Variants in PRMT9 observed in about 807,000 individuals in gnomAD.
The protein encoded by PRMT9 is protein arginine methyltransferase 9.
In PRMT9, 59 loss-of-function variants were observed where a neutral mutation model predicts 83.2. The ratio of observed to expected loss-of-function variants is 0.71; its 90% confidence interval spans 0.57 to 0.88. PRMT9 has a LOEUF of 0.88. Among genes scored for constraint, PRMT9 ranks in the 40% least tolerant of loss-of-function variants. The pLI is 0.00. For missense variants in PRMT9, 947 were observed against 1,021.9 expected, an observed-to-expected ratio of 0.93 and a Z score of 1.00; for synonymous variants, 333 against 353.2, an observed-to-expected ratio of 0.94 and a Z score of 0.64.
intron 6 of PRMT9, chr4:147,661,268 A>G: frequency 2.3e-6 from 1 of 429,678 alleles, no homozygotes; most frequent in South Asian, 6.0e-5. Flanking sequence ...CACTAAAAAA[A>G]AAAAAAAACA....
chr4:147,663,230 G>A (rs182612721), intron 6 of PRMT9, among the ~76,000 whole-genome samples: 4 of 151,690 alleles, frequency 2.6e-5, no homozygotes, highest in African/African-American at 7.3e-5. Context: ...GGATGGTCTC[G>A]ATCTCCTGGC....
chr4:147,683,737 T>TTCTA, intron 1 of PRMT9, 62 bp downstream of exon 1: 1 of 873,520 alleles, frequency 1.1e-6, no homozygotes, highest in Non-Finnish European at 1.7e-6. Flanking sequence ...TTTTTTCTGT[T>TTCTA]TTTTTTTTTT....
chr4:147,662,376 T>C (rs999805350), intron 6 of PRMT9, among the ~76,000 whole-genome samples: 4 of 152,230 alleles, frequency 2.6e-5, no homozygotes, highest in Admixed American at 6.5e-5. Context: ...GCACACTTTA[T>C]ATTATATAGC....
intron 1 of PRMT9, among the ~76,000 whole-genome samples, chr4:147,681,571 G>A (rs1197311240): frequency 6.6e-6 from 1 of 152,186 alleles, no homozygotes; most frequent in African/African-American, 2.4e-5. Context: ...CAGATCACCT[G>A]AGGTCAGGAG....
At chr4:147,669,531 T>C (rs922824713) in intron 5 of PRMT9, among the ~76,000 whole-genome samples, 3 of 152,110 alleles carry the variant, frequency 2.0e-5, no homozygotes, top group Admixed American at 2.0e-4. Flanking sequence ...ATGACTTTGA[T>C]CAAGAAATCA....
At chr4:147,639,337 G>T (rs1055562147) in intron 10 of PRMT9, 1 of 404,520 alleles carries the variant, frequency 2.5e-6, no homozygotes, top group Non-Finnish European at 4.6e-6. Context: ...AATTTGCTCT[G>T]GTTTCCATTA....
At position 147,638,368 on chromosome 4, in the gene PRMT9, A is replaced by G. The variant is rs868568710; in HGVS notation, c.*164T>C. On this transcript the variant is annotated 3_prime_UTR_variant, in exon 12 of 12. Coordinates refer to ENST00000322396, the MANE Select transcript of PRMT9 (RefSeq NM_138364.4). ...AATCTGCAGCAGTATTTCTATAATA[A>G]TGCTACCCTTTTATTTAGAATCTTT... 1.1e-4 allele frequency: 72 copies of G among 631,288 alleles called. No individual in the cohort carries two copies. In the Middle Eastern group the frequency reaches 2.9e-3, roughly 26 times the overall value. 39.1% of individuals were successfully genotyped at this position (631,288 alleles called of 1,614,324 possible). A position where few individuals can be genotyped will look rare whatever the true frequency, so the allele number is the denominator to read the frequency against.
chr4:147,642,963 T>TA (rs1733507788), intron 9 of PRMT9, 23 bp from the exon 10 acceptor site: 2 of 1,611,526 alleles, frequency 1.2e-6, no homozygotes, highest in African/African-American at 2.7e-5. Flanking sequence ...GTACATATTT[T>TA]AAAAAGCTCT....
chr4:147,670,667 A>T lies in PRMT9; in HGVS notation c.820T>A (p.Trp274Arg). Reference sequence around the variant, plus strand: ...TTTGGCTGTAAAAGTAAATGCTCCCATGCATGAATCAAACTCTCCACAATT... The same window carrying T: ...TTTGGCTGTAAAAGTAAATGCTCCCTTGCATGAATCAAACTCTCCACAATT... ...EGIVESLIHAWEHLLLQPKTK... is the reference protein window; with the variant it reads ...EGIVESLIHAREHLLLQPKTK... Residue 274 changes from tryptophan to arginine, a missense_variant, in exon 5 of 12, where the codon TGG becomes AGG. Physicochemically the swap from Trp to Arg is moderately radical, Grantham distance 101. Transcript: ENST00000322396. The T allele has an allele frequency of 6.2e-7, 1 of 1,612,840 alleles. No individual in the cohort carries two copies. Among genetic ancestry groups the T allele is most frequent in the Non-Finnish European group, 8.5e-7 (1 of 1,178,920 alleles).
intron 9 of PRMT9, among the ~76,000 whole-genome samples, chr4:147,648,250 T>G (rs1288868931): frequency 1.3e-5 from 2 of 152,028 alleles, no homozygotes; most frequent in African/African-American, 4.8e-5. Flanking sequence ...ATTGGGACTT[T>G]CCATCCAACC....
intron 6 of PRMT9, among the ~76,000 whole-genome samples, chr4:147,666,823 TA>T (rs67002013): frequency 0.081 from 10,294 of 126,444 alleles, 377 homozygotes; most frequent in Middle Eastern, 0.12. Context: ...GAACTTTGTT[TA>T]AAAAAAAAAA....
chr4:147,672,541 T>G (rs1735804907), intron 4 of PRMT9, among the ~76,000 whole-genome samples: 1 of 152,246 alleles, frequency 6.6e-6, no homozygotes, highest in African/African-American at 2.4e-5. Flanking sequence ...TACTGACAGC[T>G]GACATTTCCA....
intron 9 of PRMT9, among the ~76,000 whole-genome samples, chr4:147,644,565 G>A (rs1343398661): frequency 2.3e-4 from 28 of 121,918 alleles, no homozygotes; most frequent in Non-Finnish European, 1.1e-4. Context: ...AAAAAAGAAT[G>A]CCTCTTAATA....
intron 2 of PRMT9, among the ~76,000 whole-genome samples, chr4:147,677,329 T>C (rs1323532996): frequency 6.6e-6 from 1 of 151,880 alleles, no homozygotes; most frequent in Non-Finnish European, 1.5e-5. Flanking sequence ...TATGAAAAAG[T>C]TACATTTCAT....
intron 9 of PRMT9, among the ~76,000 whole-genome samples, chr4:147,644,250 T>C (rs113640269): frequency 1.3e-5 from 2 of 152,174 alleles, no homozygotes; most frequent in African/African-American, 4.8e-5. Flanking sequence ...GGCAAAATAG[T>C]AATAGTGTAT....
chr4:147,681,484 A>G (rs1736464706), intron 1 of PRMT9, among the ~76,000 whole-genome samples: 1 of 152,204 alleles, frequency 6.6e-6, no homozygotes, highest in South Asian at 2.1e-4. Context: ...CTAGAGAGAC[A>G]AGGATAAGAA....
At chr4:147,657,491 A>G (rs988558304) in intron 8 of PRMT9, among the ~76,000 whole-genome samples, 4 of 151,826 alleles carry the variant, frequency 2.6e-5, no homozygotes, top group African/African-American at 9.7e-5. Flanking sequence ...AGCCACTGCA[A>G]TCGGCCTGGG....
chr4:147,661,960 G>A (rs79978795), intron 6 of PRMT9, among the ~76,000 whole-genome samples: 5,296 of 152,160 alleles, frequency 0.035, 231 homozygotes, highest in East Asian at 0.23. Flanking sequence ...AATTCGAGCT[G>A]AGCATACCTA....
chr4:147,655,110 A>G (rs1215927166), intron 8 of PRMT9, among the ~76,000 whole-genome samples: 1 of 152,216 alleles, frequency 6.6e-6, no homozygotes, highest in Non-Finnish European at 1.5e-5. Context: ...ATAAGGAAGA[A>G]CCAAGTCCTA....
Sources: gnomAD v4.1 joint callset for allele counts (sites outside exome capture counted in the v4.1 genomes callset) on GRCh38, gnomAD v4.1.1 for gene constraint, MANE v1.5 for transcripts, NCBI Gene and HGNC (gene_info 2026-07-23, HGNC 2026-07-21) for gene names.